Variants in SPIDR observed in about 807,000 individuals in gnomAD.
SPIDR encodes DNA repair-scaffolding protein.
SPIDR carries 93 observed loss-of-function variants against 104.6 expected under a neutral mutation model. That is an observed-to-expected ratio of 0.89 (90% confidence interval 0.75 to 1.06). The LOEUF is 1.06. SPIDR is among the 50% of genes least tolerant of loss of function. The probability of loss-of-function intolerance (pLI) is 0.00; values close to 1 mark genes in which losing one functional copy is unlikely to be tolerated. For synonymous variants in SPIDR, 431 were observed against 416.9 expected (o/e 1.03, Z -0.41); for missense variants, 1,154 against 1,111.2 (o/e 1.04, Z -0.55).
At chr8:47,467,225 C>T (rs1289007982) in intron 8 of SPIDR, among the ~76,000 whole-genome samples, 1 of 151,880 alleles carries the variant, frequency 6.6e-6, no homozygotes, top group Non-Finnish European at 1.5e-5. Flanking sequence ...GTAATAAATA[C>T]CCTGCCAACC....
intron 10 of SPIDR, among the ~76,000 whole-genome samples, chr8:47,629,824 C>T (rs1182600916): frequency 6.6e-6 from 1 of 152,242 alleles, no homozygotes; most frequent in Non-Finnish European, 1.5e-5. Flanking sequence ...ATTTGCCAAC[C>T]TCTAATCTAT....
intron 10 of SPIDR, among the ~76,000 whole-genome samples, chr8:47,608,306 A>G (rs560357227): frequency 2.0e-5 from 3 of 152,194 alleles, no homozygotes; most frequent in Non-Finnish European, 2.9e-5. Flanking sequence ...ATAATAATCC[A>G]TTTTCTGTGA....
intron 5 of SPIDR, among the ~76,000 whole-genome samples, chr8:47,337,218 C>T (rs1012570497): frequency 6.6e-6 from 1 of 152,140 alleles, no homozygotes; most frequent in African/African-American, 2.4e-5. Flanking sequence ...GCCTCGACCT[C>T]CTGGGTTCAA....
At chr8:47,713,210 A>G (rs2082116760) in intron 15 of SPIDR, 2 of 605,056 alleles carry the variant, frequency 3.3e-6, no homozygotes, top group South Asian at 2.7e-5. Context: ...TCAAACTAAA[A>G]TCCTGCCTCA....
intron 10 of SPIDR, 69 bp from the exon 11 acceptor site, chr8:47,673,732 A>G: frequency 6.2e-7 from 1 of 1,603,870 alleles, no homozygotes; most frequent in Non-Finnish European, 8.5e-7. Context: ...AATGAAGAAG[A>G]GGGAAATCTT....
At chr8:47,404,112 A>G (rs1276711271) in intron 6 of SPIDR, among the ~76,000 whole-genome samples, 1 of 152,244 alleles carries the variant, frequency 6.6e-6, no homozygotes, top group African/African-American at 2.4e-5. Flanking sequence ...AGGATTCCCT[A>G]TTTAATAAAT....
chr8:47,274,959 A>T (rs965482496), intron 1 of SPIDR, among the ~76,000 whole-genome samples: 1 of 151,206 alleles, frequency 6.6e-6, no homozygotes, highest in Non-Finnish European at 1.5e-5. Flanking sequence ...TAAAGACTAC[A>T]ATAGAAAATA....
intron 5 of SPIDR, among the ~76,000 whole-genome samples, chr8:47,322,494 T>C (rs527612985): frequency 2.0e-5 from 3 of 152,328 alleles, no homozygotes; most frequent in East Asian, 3.9e-4. Flanking sequence ...TTGGTGGGAC[T>C]GTAAACTAGT....
intron 8 of SPIDR, among the ~76,000 whole-genome samples, chr8:47,477,168 C>T (rs1358341208): frequency 6.6e-6 from 1 of 152,028 alleles, no homozygotes; most frequent in Non-Finnish European, 1.5e-5. Flanking sequence ...AACGTGGAGT[C>T]TGGTACCAGA....
At chr8:47,494,501 A>T (rs1321718735) in intron 8 of SPIDR, among the ~76,000 whole-genome samples, 1 of 152,176 alleles carries the variant, frequency 6.6e-6, no homozygotes, top group East Asian at 1.9e-4. Context: ...CACTGAATGA[A>T]CGGTTTGTTT....
chr8:47,713,881 A>T (rs1374986027), intron 16 of SPIDR, among the ~76,000 whole-genome samples: 1 of 152,162 alleles, frequency 6.6e-6, no homozygotes, highest in Non-Finnish European at 1.5e-5. Context: ...AGCCGCTGAT[A>T]ACCTGGGCCC....
At position 47,302,306 on chromosome 8, in the gene SPIDR, A is replaced by G. The variant is rs1379667320; in HGVS notation, c.525+8276A>G. 3.9e-5 allele frequency among the ~76,000 whole-genome samples: 6 copies of G among 152,046 alleles called. No individual in the cohort carries two copies. The East Asian group carries it at 5.8e-4, about 15-fold the overall frequency. ...GGTTTTCAGCTCCATGAGGTCCTTTAAGGACTTCTCTGCATTGGTTATTCT... is the reference window on the plus strand; with the variant it reads ...GGTTTTCAGCTCCATGAGGTCCTTTGAGGACTTCTCTGCATTGGTTATTCT... On this transcript the variant is annotated intron_variant, in intron 5 of 19. Coordinates refer to ENST00000297423, the MANE Select transcript of SPIDR (RefSeq NM_001080394.4).
At chr8:47,273,704 C>T (rs2035799343) in intron 1 of SPIDR, among the ~76,000 whole-genome samples, 1 of 152,012 alleles carries the variant, frequency 6.6e-6, no homozygotes, top group Non-Finnish European at 1.5e-5. Context: ...GGTTATCCTC[C>T]TACCGCAGCC....
intron 1 of SPIDR, among the ~76,000 whole-genome samples, chr8:47,272,925 TCAA>T (rs1412375998): frequency 3.9e-5 from 6 of 152,212 alleles, no homozygotes; most frequent in Non-Finnish European, 7.3e-5. Flanking sequence ...TTTTACCACT[TCAA>T]ATGAGTTACA....
At chr8:47,287,860 G>A (rs1173864839) in intron 3 of SPIDR, among the ~76,000 whole-genome samples, 9 of 152,240 alleles carry the variant, frequency 5.9e-5, no homozygotes, top group African/African-American at 2.2e-4. Flanking sequence ...CTCAGTTTAT[G>A]AAGATAACAG....
intron 8 of SPIDR, among the ~76,000 whole-genome samples, chr8:47,523,898 C>T (rs1564222888): frequency 6.6e-6 from 1 of 152,186 alleles, no homozygotes; most frequent in Non-Finnish European, 1.5e-5. Context: ...GAACTGCAGG[C>T]CTCTCTGTTT....
chr8:47,567,682 TATC>T (rs2058041785), intron 8 of SPIDR, among the ~76,000 whole-genome samples: 1 of 152,056 alleles, frequency 6.6e-6, no homozygotes, highest in Non-Finnish European at 1.5e-5. Context: ...GAGACAAACT[TATC>T]ATCAGTGCTT....
chr8:47,361,380 G>A (rs2055886085), intron 5 of SPIDR, among the ~76,000 whole-genome samples: 1 of 152,230 alleles, frequency 6.6e-6, no homozygotes, highest in South Asian at 2.1e-4. Context: ...GGCACACTGT[G>A]GCTCCCAGGA....
intron 7 of SPIDR, among the ~76,000 whole-genome samples, chr8:47,434,135 G>A (rs553400772): frequency 6.6e-6 from 1 of 152,306 alleles, no homozygotes; most frequent in East Asian, 1.9e-4. Flanking sequence ...ATGGTAGTTT[G>A]GAGTGAGTGC....
Sources: gnomAD v4.1 joint callset for allele counts (sites outside exome capture counted in the v4.1 genomes callset) on GRCh38, gnomAD v4.1.1 for gene constraint, MANE v1.5 for transcripts, NCBI Gene and HGNC (gene_info 2026-07-23, HGNC 2026-07-21) for gene names.